The following KSR2 variants were observed in gnomAD, a reference collection of about 807,000 sequenced individuals.
KSR2 encodes the protein kinase suppressor of ras 2.
Under a neutral mutation model 107.8 loss-of-function variants are expected in KSR2, and 25 were observed. The observed-to-expected ratio is 0.23, with a 90% CI of 0.17 to 0.32. KSR2 has a LOEUF of 0.32. KSR2 is among the 10% of genes least tolerant of loss of function. The pLI is 1.00. For missense variants in KSR2, 887 were observed against 1,268.9 expected (o/e 0.70, Z 4.57); for synonymous variants, 480 against 507.0 (o/e 0.95, Z 0.71).
intron 4 of KSR2, among the ~76,000 whole-genome samples, chr12:117,715,369 C>G (rs1224567489): frequency 1.3e-5 from 2 of 152,158 alleles, no homozygotes; most frequent in Non-Finnish European, 2.9e-5. Flanking sequence ...ATTGAGGGAC[C>G]CACAGAGGAA....
chr12:117,646,172 A>G (rs77076550), intron 5 of KSR2, among the ~76,000 whole-genome samples: 4,693 of 152,258 alleles, frequency 0.031, 241 homozygotes, highest in African/African-American at 0.11. Context: ...TTCAGTACAG[A>G]CATAATTATC....
At chr12:117,814,061 T>C (rs569253808) in intron 3 of KSR2, among the ~76,000 whole-genome samples, 7 of 152,110 alleles carry the variant, frequency 4.6e-5, no homozygotes, top group Admixed American at 3.3e-4. Context: ...GGAAGCAAAA[T>C]AGTTGATCTC....
chr12:117,728,176 T>C (rs1210024952), intron 4 of KSR2, among the ~76,000 whole-genome samples: 2 of 152,172 alleles, frequency 1.3e-5, no homozygotes, highest in Admixed American at 6.5e-5. Context: ...GAACTTACCA[T>C]CTGTGGTTTT....
At chr12:117,494,111 C>G (rs1156909955) in intron 14 of KSR2, among the ~76,000 whole-genome samples, 1 of 152,188 alleles carries the variant, frequency 6.6e-6, no homozygotes, top group African/African-American at 2.4e-5. Flanking sequence ...TGAATGGATG[C>G]AGTGCCTTAG....
At chr12:117,680,815 T>C (rs1375488080) in intron 4 of KSR2, among the ~76,000 whole-genome samples, 3 of 152,254 alleles carry the variant, frequency 2.0e-5, no homozygotes, top group South Asian at 2.1e-4. Flanking sequence ...TTGAAAGATA[T>C]ATATTAATTC....
At position 117,689,250 on chromosome 12, in the gene KSR2, C is replaced by T. The variant is rs905309230; in HGVS notation, c.987-21592G>A. ...CAATGTATCTTGGAGTTTTAAACAT[C>T]TCTTTGTGTAGACCAGGGGTCATCC... On this transcript the variant is annotated intron_variant, in intron 4 of 19. Transcript: ENST00000339824. Among the ~76,000 whole-genome samples, 14 of 152,170 alleles carry T rather than the reference C, an allele frequency of 9.2e-5. 1 individual carries two copies. The highest frequency in any genetic ancestry group is 2.1e-4 in the Non-Finnish European group (14 of 68,034).
At chr12:117,820,783 C>T (rs777267507) in intron 3 of KSR2, among the ~76,000 whole-genome samples, 3 of 152,042 alleles carry the variant, frequency 2.0e-5, no homozygotes, top group Non-Finnish European at 4.4e-5. Context: ...CCAGGTGCTA[C>T]CAGCAATTCA....
In KSR2 at chr12:117,920,733, G is replaced by A. The variant is rs535928293; in HGVS notation, c.180+47343C>T. ...CTCTTAACTTCTCTAAGTAAACTCA[G>A]TGCCTAGGGTAGAGCCAGTAGCTTC... On this transcript the variant is annotated intron_variant, in intron 1 of 19. Coordinates refer to ENST00000339824, the MANE Select transcript of KSR2 (RefSeq NM_173598.6). 7.2e-5 allele frequency among the ~76,000 whole-genome samples: 11 copies of A among 152,214 alleles called. No individual in the cohort carries two copies. The South Asian group carries it at 2.3e-3, about 32-fold the overall frequency.
chr12:117,878,792 C>T (rs533232777), intron 1 of KSR2, among the ~76,000 whole-genome samples: 2 of 152,318 alleles, frequency 1.3e-5, no homozygotes, highest in East Asian at 1.9e-4. Flanking sequence ...AGCAGCTTCC[C>T]ACTTTGGCCA....
At chr12:117,954,168 T>A (rs1896441922) in intron 1 of KSR2, among the ~76,000 whole-genome samples, 1 of 151,814 alleles carries the variant, frequency 6.6e-6, no homozygotes, top group Admixed American at 6.6e-5. Flanking sequence ...TCATTTAGAG[T>A]GAGCTTGATG....
At chr12:117,545,510 G>C (rs1219290690) in intron 9 of KSR2, among the ~76,000 whole-genome samples, 2 of 152,062 alleles carry the variant, frequency 1.3e-5, no homozygotes, top group African/African-American at 2.4e-5. Context: ...ATTTCATATT[G>C]GGTGAGTTGT....
intron 1 of KSR2, among the ~76,000 whole-genome samples, chr12:117,892,615 A>G (rs1026345891): frequency 6.6e-6 from 1 of 152,100 alleles, no homozygotes; most frequent in African/African-American, 2.4e-5. Context: ...TTGTAAATAA[A>G]GTTTTATTGG....
chr12:117,465,106 G>A lies in KSR2; in HGVS notation c.*2093C>T, dbSNP rs561562169. The A allele has an allele frequency of 1.3e-5, 2 of 152,278 alleles. No individual in the cohort carries two copies. The highest frequency in any genetic ancestry group is 2.9e-5 in the Non-Finnish European group (2 of 68,120). 9.4% of individuals were successfully genotyped at this position (152,278 alleles called of 1,614,324 possible). ...GCCTGTGGACCCAAGAAGTCCTGGT[G>A]TGATGGAAGAGAAGTGAGTGGTTGG... is the stretch of plus-strand genomic sequence containing the variant. On this transcript the variant is annotated 3_prime_UTR_variant, in exon 20 of 20. Transcript: ENST00000339824.
chr12:117,568,883 C>A (rs1439572903), intron 7 of KSR2, among the ~76,000 whole-genome samples: 8 of 152,172 alleles, frequency 5.3e-5, no homozygotes. Context: ...ATTGCAAAAA[C>A]TGAAGTGTTT....
chr12:117,661,300 G>C (rs1884421536), intron 5 of KSR2, among the ~76,000 whole-genome samples: 1 of 152,132 alleles, frequency 6.6e-6, no homozygotes, highest in Non-Finnish European at 1.5e-5. Flanking sequence ...GATACTATTG[G>C]GGCAATTGCT....
intron 5 of KSR2, among the ~76,000 whole-genome samples, chr12:117,597,764 C>T (rs555182182): frequency 8.5e-5 from 13 of 152,206 alleles, no homozygotes; most frequent in Middle Eastern, 3.2e-3. Context: ...GTTACTTTTG[C>T]ATCAACCTAG....
chr12:117,656,980 G>GAA (rs1884194868), intron 5 of KSR2, among the ~76,000 whole-genome samples: 3 of 50,556 alleles, frequency 5.9e-5, no homozygotes, highest in African/African-American at 7.4e-5. Flanking sequence ...ATATATAATA[G>GAA]GATATATATA....
rs768330555 is a variant in KSR2, at chr12:117,539,786, G to T, written c.1620C>A (p.Ala540=). 11 of 1,607,472 alleles carry T rather than the reference G, an allele frequency of 6.8e-6. No homozygotes were observed. The highest frequency in any genetic ancestry group is 1.7e-5 in the Admixed American group (1 of 58,676). ...SSPAPPLPPS[A]TPPSPLHPSP... ...AAGGGTGTAGGGGAGAAGGCGGCGTGGCACTAGGAGGGAGGGGGGGTGCTG... is the reference window on the plus strand; with the variant it reads ...AAGGGTGTAGGGGAGAAGGCGGCGTTGCACTAGGAGGGAGGGGGGGTGCTG... Residue 540 remains alanine, a synonymous_variant, in exon 10 of 20, where the codon GCC becomes GCA. Transcript: ENST00000339824.
At chr12:117,849,028 G>C (rs75694664) in intron 3 of KSR2, among the ~76,000 whole-genome samples, 5,660 of 152,196 alleles carry the variant, frequency 0.037, 230 homozygotes, top group African/African-American at 0.1. Flanking sequence ...CAATCACACA[G>C]CTAATAGGTG....
Sources: gnomAD v4.1 joint callset for allele counts (sites outside exome capture counted in the v4.1 genomes callset) on GRCh38, gnomAD v4.1.1 for gene constraint, MANE v1.5 for transcripts, NCBI Gene and HGNC (gene_info 2026-07-23, HGNC 2026-07-21) for gene names.